Variants in ARAP1 observed in about 807,000 individuals in gnomAD.
ARAP1 encodes the protein arf-GAP with Rho-GAP domain, ANK repeat and PH domain-containing protein 1.
ARAP1 carries 76 observed loss-of-function variants against 172.2 expected under a neutral mutation model. The ratio of observed to expected loss-of-function variants is 0.44; its 90% CI spans 0.37 to 0.53. The LOEUF (loss-of-function observed/expected upper bound fraction) is 0.53. Ranked by LOEUF, ARAP1 falls within the 20% of genes least tolerant of loss-of-function variation. The probability of loss-of-function intolerance (pLI) is 0.00; values close to 1 mark genes in which losing one functional copy is unlikely to be tolerated. For synonymous variants in ARAP1, 804 were observed against 803.3 expected, an observed-to-expected ratio of 1.00 and a Z score of -0.01; for missense variants, 1,686 against 1,977.5, an observed-to-expected ratio of 0.85 and a Z score of 2.80.
intron 1 of ARAP1, among the ~76,000 whole-genome samples, chr11:72,738,188 G>T (rs967112114): frequency 6.6e-6 from 1 of 152,202 alleles, no homozygotes; most frequent in African/African-American, 2.4e-5. Context: ...GACAGAAAAG[G>T]ACCTGGTGAA....
intron 1 of ARAP1, among the ~76,000 whole-genome samples, chr11:72,733,566 A>C (rs1409497619): frequency 2.6e-5 from 4 of 152,144 alleles, no homozygotes; most frequent in Non-Finnish European, 5.9e-5. Context: ...CTTGCTATGC[A>C]GACAGCCGGA....
At position 72,699,975 on chromosome 11, in the gene ARAP1, T is replaced by G; in HGVS notation, c.2303-423A>C. 1 of 187,860 alleles carries G rather than the reference T, an allele frequency of 5.3e-6. No homozygotes were observed. The allele number at this position is 187,860 out of a possible 1,614,324, so 11.6% of individuals were successfully genotyped here. ...CAGCTTTTGCAAACCTTGTCCCCTC[T>G]ACCCACCACCTGAATGTCACAGGAA... On this transcript the variant is annotated intron_variant, in intron 16 of 34. Transcript: ENST00000393609. The surrounding 1 kb of genome is among the most constrained non-coding windows in gnomAD (Gnocchi z 4.2).
chr11:72,709,992 G>T lies in ARAP1; in HGVS notation c.1417-16C>A. 6.2e-7 allele frequency: 1 copy of T among 1,608,260 alleles called. No homozygotes were observed. The highest frequency in any genetic ancestry group is 8.5e-7 in the Non-Finnish European group (1 of 1,174,718). ...GGTGGTACTCCTGGAGGGCAGATGG[G>T]ACGGGATGAGGGCAAGGCTTTGGGG... On this transcript the variant is annotated splice_polypyrimidine_tract_variant and intron_variant, in intron 10 of 34. Coordinates refer to ENST00000393609, the MANE Select transcript of ARAP1 (RefSeq NM_001040118.3).
At chr11:72,688,347 C>G (rs1273793570) in intron 31 of ARAP1, 108 bp downstream of exon 31, 2 of 954,006 alleles carry the variant, frequency 2.1e-6, no homozygotes, top group Admixed American at 4.3e-5. Context: ...ACCATCAGAG[C>G]CCCTGCACCT....
intron 1 of ARAP1, among the ~76,000 whole-genome samples, chr11:72,740,756 C>T (rs1170119433): frequency 1.3e-5 from 2 of 152,116 alleles, no homozygotes; most frequent in African/African-American, 2.4e-5. Context: ...CAGCACAGAG[C>T]GCAGCCCTCA....
Position 72,685,593 on chromosome 11 carries a change from G to A in ARAP1, c.*71C>T. The A allele has an allele frequency of 3.1e-6, 5 of 1,603,866 alleles. No homozygotes were observed. Among genetic ancestry groups the A allele is most frequent in the Non-Finnish European group, 4.3e-6 (5 of 1,170,738 alleles). On this transcript the variant is annotated 3_prime_UTR_variant, in exon 35 of 35. Coordinates refer to ENST00000393609, the MANE Select transcript of ARAP1 (RefSeq NM_001040118.3). ...CCCCCGCTGGCTCACATCAGGCCTT[G>A]GAGCATAAGGGGTGTCTGAACAGAA...
chr11:72,701,922 C>A lies in ARAP1; in HGVS notation c.2168-139G>T, dbSNP rs1856504787. On this transcript the variant is annotated intron_variant, in intron 15 of 34. Transcript: ENST00000393609. ...TCCCTAACTGGCAGCCTCAAGCTCC[C>A]CCTCCTACCTGCAGGGTCTTGTCCA... The A allele has an allele frequency of 5.4e-6, 6 of 1,113,486 alleles. No homozygotes were observed. The South Asian group carries it at 8.9e-5, about 17-fold the overall frequency. The allele number at this position is 1,113,486 out of a possible 1,614,324, so 69.0% of individuals were successfully genotyped here. A position where few individuals can be genotyped will look rare whatever the true frequency, so the allele number is the denominator to read the frequency against.
intron 3 of ARAP1, among the ~76,000 whole-genome samples, chr11:72,718,383 C>T (rs573575715): frequency 6.6e-6 from 1 of 152,168 alleles, no homozygotes; most frequent in East Asian, 1.9e-4. Context: ...CCAGCTGAGG[C>T]CCGGCTTGGA....
At chr11:72,728,096 T>A (rs1270830278) in intron 2 of ARAP1, among the ~76,000 whole-genome samples, 1 of 152,278 alleles carries the variant, frequency 6.6e-6, no homozygotes, top group Non-Finnish European at 1.5e-5. Context: ...TCCATTTTAC[T>A]GTTGTTATTA....
In ARAP1 at chr11:72,707,439, G is replaced by T. The variant is rs1339893602; in HGVS notation, c.1524-65C>A. On this transcript the variant is annotated intron_variant, in intron 11 of 34. Coordinates refer to ENST00000393609, the MANE Select transcript of ARAP1 (RefSeq NM_001040118.3). ...CAGAGGGATTTGGGGGCAGCATGAG[G>T]ATGCACAGAATGAAGTGGGGGACAA... 4.1e-6 allele frequency: 6 copies of T among 1,466,690 alleles called. No homozygotes were observed. The African/African-American group carries it at 7.0e-5, about 17-fold the overall frequency. The allele number at this position is 1,466,690 out of a possible 1,614,324, so 90.9% of individuals were successfully genotyped here.
At position 72,726,970 on chromosome 11, in the gene ARAP1, G is replaced by A; in HGVS notation, c.159C>T (p.Leu53=). The A allele has an allele frequency of 6.2e-7, 1 of 1,602,996 alleles. No individual in the cohort carries two copies. Among genetic ancestry groups the A allele is most frequent in the Non-Finnish European group, 8.5e-7 (1 of 1,175,328 alleles). The change falls in exon 3 of 35, where the codon CTC becomes CTT. Residue 53 remains leucine, a synonymous_variant. Transcript: ENST00000393609. This position sits in a 1 kb window ranked among gnomAD's most constrained non-coding sequence, Gnocchi z 6.5. ...CCAGGATGCGGCGGCGGTGACCAGG[G>A]AGTAGCATGCCCATGTCCATCAGGC... ...DTRLMDMGML[L]PGHRRRILAG... is the part of the protein sequence containing the mutation.
rs569726547 is a variant in ARAP1 at position 72,712,428 on chromosome 11, G to A, written c.878+10C>T. 3.1e-5 allele frequency: 48 copies of A among 1,560,188 alleles called. No homozygotes were observed. The highest frequency in any genetic ancestry group is 6.8e-5 in the African/African-American group (5 of 74,026). ...GGGCTCAGTGGGAAGGAGGGTGGCCGGACACTCACTTGGGGACGCCCTCAT... is the reference window on the plus strand; with the variant it reads ...GGGCTCAGTGGGAAGGAGGGTGGCCAGACACTCACTTGGGGACGCCCTCAT... On this transcript the variant is annotated intron_variant, in intron 6 of 34. Transcript: ENST00000393609.
intron 1 of ARAP1, among the ~76,000 whole-genome samples, chr11:72,743,213 GACA>G (rs1057435632): frequency 1.3e-5 from 2 of 152,344 alleles, no homozygotes; most frequent in South Asian, 2.1e-4. Flanking sequence ...CCATGGCTAG[GACA>G]ACGTCAAGAA....
At chr11:72,740,236 G>A (rs531930788) in intron 1 of ARAP1, among the ~76,000 whole-genome samples, 1 of 152,234 alleles carries the variant, frequency 6.6e-6, no homozygotes, top group East Asian at 1.9e-4. Context: ...CTGGTGGGAG[G>A]CAGGACCTTT....
At chr11:72,749,747 T>C (rs576302993) in intron 1 of ARAP1, among the ~76,000 whole-genome samples, 12 of 151,822 alleles carry the variant, frequency 7.9e-5, no homozygotes, top group Non-Finnish European at 1.6e-4. Flanking sequence ...CCAGGTGTGG[T>C]GGCGGGCGCC....
rs1856570977 is a variant in ARAP1, at chr11:72,703,081, T to G, written c.1993-2A>C. Reference sequence around the variant, plus strand: ...GGTGGTGACTGCAGCACACAGGGCCTAGGAAGAGGCAGGGGAGGGTCAGCC... The same window carrying G: ...GGTGGTGACTGCAGCACACAGGGCCGAGGAAGAGGCAGGGGAGGGTCAGCC... On this transcript the variant is annotated splice_acceptor_variant, in intron 14 of 34. Transcript: ENST00000393609. LOFTEE classifies it high-confidence loss of function. 1 of 1,556,664 alleles carries G rather than the reference T, an allele frequency of 6.4e-7. No individual in the cohort carries two copies. Among genetic ancestry groups the G allele is most frequent in the Admixed American group, 2.0e-5 (1 of 50,152 alleles).
chr11:72,700,952 C>G (rs12274620), intron 16 of ARAP1, among the ~76,000 whole-genome samples: 2 of 151,906 alleles, frequency 1.3e-5, no homozygotes, highest in Admixed American at 1.3e-4. Flanking sequence ...GAGCCAAGAT[C>G]GCGCCATTGC....
chr11:72,734,198 G>A (rs1857945618), intron 1 of ARAP1, among the ~76,000 whole-genome samples: 1 of 151,948 alleles, frequency 6.6e-6, no homozygotes, highest in East Asian at 1.9e-4. Context: ...ATAGCTTACT[G>A]CAACTTCCAA....
chr11:72,716,744 G>A (rs995662489), intron 3 of ARAP1, among the ~76,000 whole-genome samples: 1 of 152,214 alleles, frequency 6.6e-6, no homozygotes, highest in African/African-American at 2.4e-5. Flanking sequence ...GTCACTTGGA[G>A]GGCCACAGAG....
Sources: gnomAD v4.1 joint callset for allele counts (sites outside exome capture counted in the v4.1 genomes callset) on GRCh38, gnomAD v4.1.1 for gene constraint, Gnocchi (gnomAD v3.1) non-coding constraint, MANE v1.5 for transcripts, NCBI Gene and HGNC (gene_info 2026-07-23, HGNC 2026-07-21) for gene names.